TMEM38B: variants seen among roughly 807,000 people sequenced by gnomAD.
TMEM38B encodes the protein transmembrane protein 38B, also known as trimeric intracellular cation channel type B.
TMEM38B carries 24 observed loss-of-function variants against 28.7 expected under a neutral mutation model. The ratio of observed to expected loss-of-function variants is 0.84; its 90% confidence interval spans 0.61 to 1.18. TMEM38B has a LOEUF of 1.18. TMEM38B is among the 50% of genes most tolerant of loss of function. The probability of loss-of-function intolerance (pLI) is 0.00; values close to 1 mark genes in which losing one functional copy is unlikely to be tolerated. For missense variants in TMEM38B, 380 were observed against 350.9 expected (o/e 1.08, Z -0.66); for synonymous variants, 131 against 127.7 (o/e 1.03, Z -0.17).
chr9:105,755,404 C>T (rs912135872), intron 5 of TMEM38B, among the ~76,000 whole-genome samples: 2 of 152,218 alleles, frequency 1.3e-5, no homozygotes, highest in Admixed American at 6.5e-5. Context: ...CACACATTTA[C>T]CTGTGTAACA....
intron 5 of TMEM38B, among the ~76,000 whole-genome samples, chr9:105,756,519 AAATG>A (rs1837837336): frequency 1.3e-5 from 2 of 152,250 alleles, no homozygotes; most frequent in Non-Finnish European, 2.9e-5. Flanking sequence ...TCTTTAAAGA[AAATG>A]AATGTGTATT....
chr9:105,760,118 C>T (rs1157368254), intron 5 of TMEM38B: 10 of 882,680 alleles, frequency 1.1e-5, no homozygotes, highest in African/African-American at 3.3e-5. Flanking sequence ...GCCATCGATG[C>T]GCTACAATTG....
At chr9:105,747,860 G>T (rs942182366) in intron 4 of TMEM38B, among the ~76,000 whole-genome samples, 3 of 152,232 alleles carry the variant, frequency 2.0e-5, no homozygotes, top group Middle Eastern at 3.4e-3. Context: ...GGAGCAGGTT[G>T]TTCAGTTTCC....
chr9:105,742,918 G>T (rs1239120427), intron 4 of TMEM38B, among the ~76,000 whole-genome samples: 1 of 152,000 alleles, frequency 6.6e-6, no homozygotes, highest in Non-Finnish European at 1.5e-5. Context: ...CATAATTTGG[G>T]AATGTTGTAA....
At chr9:105,733,819 A>G (rs1836864187) in intron 4 of TMEM38B, among the ~76,000 whole-genome samples, 1 of 151,530 alleles carries the variant, frequency 6.6e-6, no homozygotes, top group South Asian at 2.1e-4. Flanking sequence ...TAATGTCTCT[A>G]CTTTTGTTTC....
In TMEM38B at chr9:105,775,511, T is replaced by C. The variant is rs988574782; in HGVS notation, c.*1431T>C. 1.3e-5 allele frequency: 2 copies of C among 152,078 alleles called. No homozygotes were observed. The highest frequency in any genetic ancestry group is 2.4e-5 in the African/African-American group (1 of 41,428). The allele number at this position is 152,078 out of a possible 1,614,324, so 9.4% of individuals were successfully genotyped here. ...AAGTTTTTTTTTTGTTGTTGTTATT[T>C]TAAATTTTTAACAAATATAAACACC... On this transcript the variant is annotated 3_prime_UTR_variant, in exon 6 of 6. Coordinates refer to ENST00000374692, the MANE Select transcript of TMEM38B (RefSeq NM_018112.3).
chr9:105,726,806 A>G (rs1281741634), intron 4 of TMEM38B, among the ~76,000 whole-genome samples: 2 of 151,972 alleles, frequency 1.3e-5, no homozygotes, highest in South Asian at 4.2e-4. Flanking sequence ...TAACATAATT[A>G]TTGATATGGT....
chr9:105,751,446 A>C (rs766839535), intron 5 of TMEM38B, among the ~76,000 whole-genome samples: 1 of 152,154 alleles, frequency 6.6e-6, no homozygotes, highest in Non-Finnish European at 1.5e-5. Context: ...AGCTGTGTGG[A>C]GTTTTGGCAG....
intron 1 of TMEM38B, among the ~76,000 whole-genome samples, chr9:105,698,787 A>G (rs537867301): frequency 5.6e-4 from 85 of 152,200 alleles, no homozygotes; most frequent in African/African-American, 1.9e-3. Flanking sequence ...GGTTTATTTA[A>G]TAGGCATTGC....
chr9:105,765,787 CAT>C (rs1826351813), intron 5 of TMEM38B, among the ~76,000 whole-genome samples: 2 of 151,952 alleles, frequency 1.3e-5, no homozygotes, highest in African/African-American at 4.8e-5. Flanking sequence ...TACACAGACA[CAT>C]ATTTTCTTTT....
chr9:105,710,855 GAC>G (rs1835875525), intron 2 of TMEM38B: 1 of 361,610 alleles, frequency 2.8e-6, no homozygotes, highest in South Asian at 2.3e-5. Context: ...CCAAGCCTCA[GAC>G]ACACACAGCC....
At chr9:105,751,969 GTT>G (rs1313990075) in intron 5 of TMEM38B, among the ~76,000 whole-genome samples, 1 of 152,026 alleles carries the variant, frequency 6.6e-6, no homozygotes, top group African/African-American at 2.4e-5. Flanking sequence ...CATTTTTGTG[GTT>G]TGGTAGACTC....
At chr9:105,708,034 A>G (rs1835744998) in intron 2 of TMEM38B, among the ~76,000 whole-genome samples, 1 of 152,136 alleles carries the variant, frequency 6.6e-6, no homozygotes, top group Admixed American at 6.5e-5. Flanking sequence ...TTCTGTTCCT[A>G]TAATACTAAC....
intron 5 of TMEM38B, among the ~76,000 whole-genome samples, chr9:105,754,233 A>G (rs1837755502): frequency 6.6e-6 from 1 of 152,216 alleles, no homozygotes. Context: ...TCATTGAGAC[A>G]GAAAATTAAC....
At chr9:105,764,798 A>T (rs1826307168) in intron 5 of TMEM38B, among the ~76,000 whole-genome samples, 1 of 151,612 alleles carries the variant, frequency 6.6e-6, no homozygotes, top group South Asian at 2.1e-4. Context: ...AAAAGAACAA[A>T]GCTGGAGGCA....
At chr9:105,761,575 C>G (rs1838052790) in intron 5 of TMEM38B, among the ~76,000 whole-genome samples, 1 of 152,056 alleles carries the variant, frequency 6.6e-6, no homozygotes, top group South Asian at 2.1e-4. Context: ...GGAGATACAC[C>G]TATCAGATGC....
chr9:105,757,554 C>T (rs902935018), intron 5 of TMEM38B, among the ~76,000 whole-genome samples: 2 of 150,450 alleles, frequency 1.3e-5, no homozygotes, highest in African/African-American at 4.9e-5. Flanking sequence ...CTTTTCAACA[C>T]ATCTACACCA....
At chr9:105,699,893 G>T in intron 1 of TMEM38B, among the ~76,000 whole-genome samples, 1 of 152,074 alleles carries the variant, frequency 6.6e-6, no homozygotes, top group Non-Finnish European at 1.5e-5. Flanking sequence ...TAGGAAGTTG[G>T]AATATGCTGT....
chr9:105,699,846 G>T (rs1835407306), intron 1 of TMEM38B, among the ~76,000 whole-genome samples: 1 of 151,914 alleles, frequency 6.6e-6, no homozygotes, highest in Non-Finnish European at 1.5e-5. Flanking sequence ...TTTTTTGTTT[G>T]TTTGTTTTTC....
Sources: gnomAD v4.1 joint callset for allele counts (sites outside exome capture counted in the v4.1 genomes callset) on GRCh38, gnomAD v4.1.1 for gene constraint, MANE v1.5 for transcripts, NCBI Gene and HGNC (gene_info 2026-07-23, HGNC 2026-07-21) for gene names.